Variants in WDR49 observed in about 807,000 individuals in gnomAD.
WDR49 encodes WD repeat domain 49, also known as cilia- and flagella-associated protein 337.
Under a neutral mutation model 119.5 loss-of-function variants are expected in WDR49, and 107 were observed. The observed-to-expected ratio is 0.90, with a 90% confidence interval of 0.77 to 1.05. The LOEUF (loss-of-function observed/expected upper bound fraction) is 1.05, where lower values mean the gene tolerates loss of function less well. Ranked by LOEUF, WDR49 falls within the 50% of genes least tolerant of loss-of-function variation. The pLI is 0.00. For synonymous variants in WDR49, 425 were observed against 418.8 expected (o/e 1.01, Z -0.18); for missense variants, 1,240 against 1,220.5 (o/e 1.02, Z -0.24).
chr3:167,595,808 G>A (rs1715395327), intron 7 of WDR49, among the ~76,000 whole-genome samples: 1 of 151,508 alleles, frequency 6.6e-6, no homozygotes, highest in African/African-American at 2.4e-5. Flanking sequence ...CATAGGCATG[G>A]GCAAGGACTT....
At chr3:167,492,251 A>T (rs990030436) in intron 18 of WDR49, among the ~76,000 whole-genome samples, 6 of 152,078 alleles carry the variant, frequency 3.9e-5, no homozygotes, top group Non-Finnish European at 8.8e-5. Flanking sequence ...AAAAATAGGT[A>T]ATACAGTAAA....
chr3:167,500,091 T>C, intron 18 of WDR49, 62 bp downstream of exon 18: 1 of 1,467,856 alleles, frequency 6.8e-7, no homozygotes, highest in Non-Finnish European at 9.0e-7. Context: ...TTCTACTCTA[T>C]TTTTAAATGA....
At chr3:167,626,232 C>T (rs566594772) in intron 3 of WDR49, among the ~76,000 whole-genome samples, 7 of 151,776 alleles carry the variant, frequency 4.6e-5, no homozygotes, top group African/African-American at 7.3e-5. Flanking sequence ...CAAGATTAGC[C>T]GTGAATTGAA....
At chr3:167,564,315 A>G (rs1350857889) in intron 8 of WDR49, among the ~76,000 whole-genome samples, 1 of 152,234 alleles carries the variant, frequency 6.6e-6, no homozygotes. Context: ...AGTATTAGCC[A>G]GAATCTACTC....
In WDR49 at chr3:167,550,145, T is replaced by C. The variant is rs188358222; in HGVS notation, c.1823+4505A>G. On this transcript the variant is annotated intron_variant, in intron 10 of 18. Coordinates refer to ENST00000682715, the MANE Select transcript of WDR49 (RefSeq NM_001366157.1). ...GGTAGTGTGATGCCTCCAGCTTTGT[T>C]CTTTTGGCTTAGGATTGTCTTGGCA... Among the ~76,000 whole-genome samples, 973 of 152,262 alleles carry C rather than the reference T, an allele frequency of 6.4e-3. 9 individuals are homozygous for C. The highest frequency in any genetic ancestry group is 0.029 in the South Asian group (141 of 4,830).
chr3:167,542,821 CA>C (rs574443346), intron 10 of WDR49, among the ~76,000 whole-genome samples: 3 of 151,028 alleles, frequency 2.0e-5, no homozygotes, highest in East Asian at 2.0e-4. Flanking sequence ...GAAACAACAA[CA>C]AAAAAAATGC....
chr3:167,503,483 G>T (rs1751653315), intron 17 of WDR49, among the ~76,000 whole-genome samples: 1 of 152,224 alleles, frequency 6.6e-6, no homozygotes, highest in Non-Finnish European at 1.5e-5. Flanking sequence ...GGGCCATGCG[G>T]TGAGTGTTAT....
chr3:167,620,475 G>A lies in WDR49; in HGVS notation c.912C>T (p.Cys304=). 1 of 1,535,902 alleles carries A rather than the reference G, an allele frequency of 6.5e-7. No individual in the cohort carries two copies. The highest frequency in any genetic ancestry group is 8.7e-7 in the Non-Finnish European group (1 of 1,146,630). The change falls in exon 5 of 19, where the codon TGC becomes TGT. Residue 304 remains cysteine, a synonymous_variant. Transcript: ENST00000682715. Reference sequence around the variant, plus strand: ...GATGAAGTTTATGCTCTAATATATGGCAACATTTGTGACATCCAGAGAGCA... The same window carrying A: ...GATGAAGTTTATGCTCTAATATATGACAACATTTGTGACATCCAGAGAGCA... ...AELLSGCHKC[C]HILEHKLHQG... is the part of the protein sequence containing the mutation.
intron 2 of WDR49, among the ~76,000 whole-genome samples, chr3:167,636,572 G>A (rs1359660933): frequency 6.6e-6 from 1 of 151,674 alleles, no homozygotes; most frequent in African/African-American, 2.4e-5. Flanking sequence ...TCTCCACACT[G>A]TTTTTCACAG....
intron 18 of WDR49, among the ~76,000 whole-genome samples, chr3:167,494,552 T>A (rs11918205): frequency 3.9e-5 from 6 of 151,962 alleles, no homozygotes; most frequent in Non-Finnish European, 7.4e-5. Flanking sequence ...CCAAAATAAC[T>A]AAATTCCAGA....
intron 11 of WDR49, among the ~76,000 whole-genome samples, chr3:167,534,236 A>G (rs954180231): frequency 6.6e-6 from 1 of 152,084 alleles, no homozygotes; most frequent in African/African-American, 2.4e-5. Flanking sequence ...TCTGAAGCTC[A>G]CAAATTGAAC....
intron 16 of WDR49, among the ~76,000 whole-genome samples, chr3:167,521,081 G>T (rs1752416525): frequency 6.6e-6 from 1 of 152,044 alleles, no homozygotes; most frequent in South Asian, 2.1e-4. Context: ...ACCTGGAGTT[G>T]CAGGGAGCAG....
chr3:167,517,803 A>G (rs1173324287), intron 16 of WDR49, among the ~76,000 whole-genome samples: 2 of 150,656 alleles, frequency 1.3e-5, no homozygotes, highest in East Asian at 3.9e-4. Context: ...TTACATATGT[A>G]TACATGTGCC....
In WDR49 at chr3:167,627,367, A is replaced by C. The variant is rs557390391; in HGVS notation, c.166-75T>G. 4.8e-5 allele frequency: 57 copies of C among 1,189,460 alleles called. No individual in the cohort carries two copies. The East Asian group carries it at 1.7e-3, about 36-fold the overall frequency. The allele number at this position is 1,189,460 out of a possible 1,614,324, so 73.7% of individuals were successfully genotyped here. On this transcript the variant is annotated intron_variant, in intron 2 of 18. Coordinates refer to ENST00000682715, the MANE Select transcript of WDR49 (RefSeq NM_001366157.1). ...TATGCATGAGAGAACTGTGCTACCC[A>C]CAAAGGTGAATTTAATCAGCAATTC...
At chr3:167,641,740 A>C (rs1717890857) in intron 2 of WDR49, among the ~76,000 whole-genome samples, 1 of 151,970 alleles carries the variant, frequency 6.6e-6, no homozygotes, top group Non-Finnish European at 1.5e-5. Flanking sequence ...ACTGGGGGAA[A>C]ACACAGCCTA....
At chr3:167,560,305 G>T in intron 8 of WDR49, 77 bp from the exon 9 acceptor site, 1 of 1,399,830 alleles carries the variant, frequency 7.1e-7, no homozygotes, top group Non-Finnish European at 9.6e-7. Flanking sequence ...AACATATCCA[G>T]CCTGTGCATT....
In WDR49 at chr3:167,563,278, C is replaced by T. The variant is rs145594379; in HGVS notation, c.1510-3050G>A. ...CTGAGGCAGGAGAAGGGCGTGAACCCGGGAGGCGGAGCTTGCAGTGAGCCA... is the reference window on the plus strand; with the variant it reads ...CTGAGGCAGGAGAAGGGCGTGAACCTGGGAGGCGGAGCTTGCAGTGAGCCA... On this transcript the variant is annotated intron_variant, in intron 8 of 18. Coordinates refer to ENST00000682715, the MANE Select transcript of WDR49 (RefSeq NM_001366157.1). Among the ~76,000 whole-genome samples the T allele has an allele frequency of 5.4e-4, 80 of 147,094 alleles. No homozygotes were observed. In the East Asian group the frequency reaches 0.013, roughly 23 times the overall value.
chr3:167,574,747 TA>T (rs921187238), intron 8 of WDR49, among the ~76,000 whole-genome samples: 6 of 152,192 alleles, frequency 3.9e-5, no homozygotes, highest in Non-Finnish European at 7.4e-5. Flanking sequence ...TTTTAACATC[TA>T]CACACAAATT....
At chr3:167,562,415 G>A (rs968771680) in intron 8 of WDR49, among the ~76,000 whole-genome samples, 2 of 152,284 alleles carry the variant, frequency 1.3e-5, no homozygotes, top group East Asian at 3.9e-4. Flanking sequence ...AACTGATAAT[G>A]AGCATGTGAT....
Sources: allele counts gnomAD v4.1 joint callset (sites outside exome capture counted in the v4.1 genomes callset), GRCh38; gene constraint gnomAD v4.1.1; transcripts MANE v1.5; gene names NCBI Gene and HGNC (gene_info 2026-07-23, HGNC 2026-07-21).